CLEC6A: variants seen among roughly 807,000 people sequenced by gnomAD.
The protein encoded by CLEC6A is C-type lectin domain family 6 member A.
CLEC6A carries 22 observed loss-of-function variants against 25.7 expected under a neutral mutation model. The observed-to-expected ratio is 0.85, with a 90% CI of 0.61 to 1.22. The LOEUF (loss-of-function observed/expected upper bound fraction) is 1.22. CLEC6A is among the 50% of genes most tolerant of loss of function. CLEC6A has a pLI of 0.00. For missense variants in CLEC6A, 240 were observed against 236.8 expected, an observed-to-expected ratio of 1.01 and a Z score of -0.09; for synonymous variants, 92 against 76.7, an observed-to-expected ratio of 1.20 and a Z score of -1.04.
Position 8,456,055 on chromosome 12 carries a change from T to A in CLEC6A, c.-57T>A, listed in dbSNP as rs1939671082. The stretch of plus-strand genomic sequence containing the variant: ...TGAAGCTGAGTCTCTGGGCAACATC[T>A]TTAGGGAGAGAGGTACAAAAGGTTC... On this transcript the variant is annotated 5_prime_UTR_variant, in exon 1 of 6. Coordinates refer to ENST00000382073, the MANE Select transcript of CLEC6A (RefSeq NM_001007033.2). The A allele has an allele frequency of 6.3e-7, 1 of 1,580,620 alleles. No individual in the cohort carries two copies. The highest frequency in any genetic ancestry group is 1.7e-5 in the Admixed American group (1 of 59,832).
At chr12:8,461,132 G>C (rs748918768) in intron 3 of CLEC6A, 8 of 1,583,750 alleles carry the variant, frequency 5.1e-6, no homozygotes, top group Non-Finnish European at 6.9e-6. Context: ...TGAAAGAGCC[G>C]TGGCCTTGGA....
At chr12:8,470,128 T>C (rs1477265185) in intron 4 of CLEC6A, among the ~76,000 whole-genome samples, 3 of 152,060 alleles carry the variant, frequency 2.0e-5, no homozygotes, top group African/African-American at 7.2e-5. Flanking sequence ...GCTAAGGACA[T>C]GAATAGACAA....
chr12:8,467,316 C>T (rs1308065664), intron 4 of CLEC6A, among the ~76,000 whole-genome samples: 1 of 152,188 alleles, frequency 6.6e-6, no homozygotes, highest in East Asian at 1.9e-4. Context: ...TGGAGTTTTA[C>T]AGTTTTAGGC....
At chr12:8,460,811 G>T (rs866602489) in intron 3 of CLEC6A, 2 of 1,210,350 alleles carry the variant, frequency 1.7e-6, no homozygotes, top group African/African-American at 3.0e-5. Context: ...TATAGGATTC[G>T]TGTTAGCCCT....
chr12:8,468,208 G>A (rs1379188973), intron 4 of CLEC6A, among the ~76,000 whole-genome samples: 9 of 152,220 alleles, frequency 5.9e-5, no homozygotes, highest in African/African-American at 1.9e-4. Context: ...CTCCCAAAGG[G>A]CTGGGATTAC....
At chr12:8,457,865 G>C (rs1321176420) in intron 1 of CLEC6A, 33 bp from the exon 2 acceptor site, 3 of 1,550,398 alleles carry the variant, frequency 1.9e-6, no homozygotes, top group African/African-American at 2.7e-5. Flanking sequence ...TGGCCCCCTG[G>C]TAACTGCATT....
intron 3 of CLEC6A, among the ~76,000 whole-genome samples, chr12:8,460,086 C>G (rs1383123163): frequency 6.6e-6 from 1 of 152,134 alleles, no homozygotes; most frequent in East Asian, 1.9e-4. Context: ...AGCTTTATTC[C>G]TGGTCAAATT....
chr12:8,467,147 C>T (rs1002621456), intron 4 of CLEC6A, among the ~76,000 whole-genome samples: 8 of 152,052 alleles, frequency 5.3e-5, no homozygotes, highest in Non-Finnish European at 1.0e-4. Flanking sequence ...CTTAGGCTGT[C>T]TTTTCCTTAG....
At chr12:8,462,095 T>C (rs1163966142) in intron 3 of CLEC6A, among the ~76,000 whole-genome samples, 1 of 152,212 alleles carries the variant, frequency 6.6e-6, no homozygotes, top group African/African-American at 2.4e-5. Context: ...ACACGTGCTG[T>C]GTCAACTCAG....
At chr12:8,461,922 A>C (rs182220551) in intron 3 of CLEC6A, among the ~76,000 whole-genome samples, 4 of 152,294 alleles carry the variant, frequency 2.6e-5, no homozygotes, top group African/African-American at 9.6e-5. Context: ...CCTCCAATAC[A>C]GTTTAATTTT....
intron 5 of CLEC6A, 29 bp from the exon 6 acceptor site, chr12:8,477,291 A>T: frequency 1.3e-6 from 2 of 1,578,592 alleles, no homozygotes; most frequent in Non-Finnish European, 8.6e-7. Context: ...TTCTTTGAAG[A>T]TGTGTACTAC....
intron 3 of CLEC6A, chr12:8,461,102 G>A: frequency 6.3e-7 from 1 of 1,595,440 alleles, no homozygotes; most frequent in South Asian, 1.1e-5. Flanking sequence ...AGGGAGATGT[G>A]TGGGCTGACA....
chr12:8,457,200 G>A (rs1034892865), intron 1 of CLEC6A, among the ~76,000 whole-genome samples: 5 of 151,906 alleles, frequency 3.3e-5, no homozygotes, highest in African/African-American at 7.3e-5. Context: ...TTGTAGGTAC[G>A]AAACAACCCT....
rs1940005082 is a variant in CLEC6A at position 8,478,209 on chromosome 12, C to T, written c.*745C>T. 6.6e-6 allele frequency: 1 copy of T among 151,830 alleles called. No homozygotes were observed. The highest frequency in any genetic ancestry group is 1.5e-5 in the Non-Finnish European group (1 of 67,860). The allele number at this position is 151,830 out of a possible 1,614,324, so 9.4% of individuals were successfully genotyped here. On this transcript the variant is annotated 3_prime_UTR_variant, in exon 6 of 6. Coordinates refer to ENST00000382073, the MANE Select transcript of CLEC6A (RefSeq NM_001007033.2). The stretch of plus-strand genomic sequence containing the variant: ...CTTGTTACCCAAATCTAATCTATTC[C>T]TGAAAATATGATGGTTAGCAAAGTT...
At chr12:8,474,924 T>C (rs940148315) in intron 4 of CLEC6A, among the ~76,000 whole-genome samples, 11 of 152,216 alleles carry the variant, frequency 7.2e-5, no homozygotes, top group African/African-American at 2.7e-4. Flanking sequence ...AGGGTACATG[T>C]GCACAACGTG....
chr12:8,467,488 CTATT>C (rs1377061726), intron 4 of CLEC6A, among the ~76,000 whole-genome samples: 1 of 151,956 alleles, frequency 6.6e-6, no homozygotes, highest in Non-Finnish European at 1.5e-5. Flanking sequence ...TTGTTGGAGA[CTATT>C]TGACCATATA....
chr12:8,456,250 A>G, intron 1 of CLEC6A, 108 bp downstream of exon 1: 1 of 1,015,912 alleles, frequency 9.8e-7, no homozygotes, highest in South Asian at 1.4e-5. Context: ...TGATTGGACC[A>G]ATATAGTAGA....
chr12:8,461,234 A>G (rs1325428549), intron 3 of CLEC6A: 8 of 717,670 alleles, frequency 1.1e-5, no homozygotes, highest in East Asian at 2.6e-5. Context: ...TACCGCTAAC[A>G]TAAGTAAAGT....
chr12:8,460,040 T>C (rs1939732441), intron 3 of CLEC6A, among the ~76,000 whole-genome samples: 1 of 152,208 alleles, frequency 6.6e-6, no homozygotes, highest in Non-Finnish European at 1.5e-5. Context: ...CATTTAAGGT[T>C]TCCAATTAAT....
Sources: allele counts gnomAD v4.1 joint callset (sites outside exome capture counted in the v4.1 genomes callset), GRCh38; gene constraint gnomAD v4.1.1; transcripts MANE v1.5; gene names NCBI Gene and HGNC (gene_info 2026-07-23, HGNC 2026-07-21).